SEMA6D: variants seen among roughly 807,000 people sequenced by gnomAD.
SEMA6D encodes the protein semaphorin-6D.
Under a neutral mutation model 106.6 loss-of-function variants are expected in SEMA6D, and 35 were observed. That is an observed-to-expected ratio of 0.33 (90% CI 0.25 to 0.44). The LOEUF (loss-of-function observed/expected upper bound fraction) is 0.44. Ranked by LOEUF, SEMA6D falls within the 20% of genes least tolerant of loss-of-function variation. The pLI is 1.00. For missense variants in SEMA6D, 1,185 were observed against 1,345.9 expected (o/e 0.88, Z 1.87); for synonymous variants, 499 against 487.7 (o/e 1.02, Z -0.31).
chr15:47,261,277 A>G (rs1362376366), intron 1 of SEMA6D, among the ~76,000 whole-genome samples: 1 of 152,092 alleles, frequency 6.6e-6, no homozygotes, highest in East Asian at 1.9e-4. Flanking sequence ...TTTGCTCTCT[A>G]TTGTATTGGT....
intron 1 of SEMA6D, among the ~76,000 whole-genome samples, chr15:47,758,632 G>A (rs920081271): frequency 5.3e-5 from 8 of 152,098 alleles, no homozygotes; most frequent in Admixed American, 1.3e-4. Context: ...GTATTGATAT[G>A]TAATAAACTG....
chr15:47,424,173 T>G, intron 2 of SEMA6D, among the ~76,000 whole-genome samples: 1 of 152,066 alleles, frequency 6.6e-6, no homozygotes, highest in East Asian at 1.9e-4. Context: ...GTAGCTATGC[T>G]AACTAGGAAA....
intron 1 of SEMA6D, among the ~76,000 whole-genome samples, chr15:47,293,418 G>T (rs1367311865): frequency 6.6e-6 from 1 of 152,184 alleles, no homozygotes; most frequent in Non-Finnish European, 1.5e-5. Context: ...CATTTTTGGT[G>T]AGATTAGCCT....
At chr15:47,573,277 CA>C (rs935054911) in intron 3 of SEMA6D, among the ~76,000 whole-genome samples, 6 of 151,744 alleles carry the variant, frequency 4.0e-5, no homozygotes, top group African/African-American at 1.5e-4. Context: ...TTGTTTTAAA[CA>C]ACTCACAAAG....
intron 1 of SEMA6D, among the ~76,000 whole-genome samples, chr15:47,365,628 A>C (rs914704721): frequency 1.3e-5 from 2 of 152,096 alleles, no homozygotes; most frequent in Admixed American, 6.6e-5. Context: ...TGAGAGGCCG[A>C]GGTGGGTGGA....
intron 2 of SEMA6D, among the ~76,000 whole-genome samples, chr15:47,415,152 G>T (rs1255779279): frequency 6.6e-6 from 1 of 152,108 alleles, no homozygotes; most frequent in Non-Finnish European, 1.5e-5. Context: ...TTTTTACATT[G>T]AATGAAGGCT....
intron 1 of SEMA6D, among the ~76,000 whole-genome samples, chr15:47,381,066 C>A (rs895155205): frequency 6.6e-6 from 1 of 152,248 alleles, no homozygotes; most frequent in Admixed American, 6.5e-5. Context: ...GTGAATTAAG[C>A]CAGGCTGAAG....
chr15:47,455,599 G>T (rs994645723), intron 2 of SEMA6D, among the ~76,000 whole-genome samples: 1 of 151,830 alleles, frequency 6.6e-6, no homozygotes, highest in African/African-American at 2.4e-5. Flanking sequence ...ATTTAAATAC[G>T]CATCCTAAGC....
At chr15:47,552,368 G>A (rs2045722761) in intron 3 of SEMA6D, among the ~76,000 whole-genome samples, 2 of 151,840 alleles carry the variant, frequency 1.3e-5, no homozygotes, top group South Asian at 2.1e-4. Flanking sequence ...GGTAGTAGGT[G>A]ATATATTTCC....
intron 3 of SEMA6D, among the ~76,000 whole-genome samples, chr15:47,532,706 G>T (rs1273729542): frequency 6.6e-6 from 1 of 152,158 alleles, no homozygotes; most frequent in Non-Finnish European, 1.5e-5. Flanking sequence ...GGCTGGTAAA[G>T]ATCCTGTGGA....
At chr15:47,541,419 A>T (rs896759949) in intron 3 of SEMA6D, among the ~76,000 whole-genome samples, 12 of 152,220 alleles carry the variant, frequency 7.9e-5, no homozygotes, top group Non-Finnish European at 1.3e-4. Flanking sequence ...GCCCAGAATC[A>T]TCCAGATTCT....
chr15:47,317,720 A>G (rs1189182407), intron 1 of SEMA6D, among the ~76,000 whole-genome samples: 3 of 152,178 alleles, frequency 2.0e-5, no homozygotes, highest in Admixed American at 6.5e-5. Context: ...GAAGTCAGAT[A>G]TGATTCTTAT....
intron 2 of SEMA6D, among the ~76,000 whole-genome samples, chr15:47,423,538 A>G (rs2041236341): frequency 6.6e-6 from 1 of 152,140 alleles, no homozygotes; most frequent in African/African-American, 2.4e-5. Context: ...TCAAAGAAAC[A>G]TAGACTACAA....
At chr15:47,626,063 A>T (rs147275987) in intron 4 of SEMA6D, among the ~76,000 whole-genome samples, 1 of 152,310 alleles carries the variant, frequency 6.6e-6, no homozygotes, top group Admixed American at 6.5e-5. Context: ...CTTTTAAAAT[A>T]TATAACTTGT....
intron 2 of SEMA6D, among the ~76,000 whole-genome samples, chr15:47,452,763 GATCTTT>G (rs1567089869): frequency 1.3e-5 from 2 of 151,818 alleles, no homozygotes; most frequent in African/African-American, 4.8e-5. Context: ...ACATTTTGGA[GATCTTT>G]ACTTTGTTTC....
At chr15:47,209,914 T>G (rs1895364954) in intron 1 of SEMA6D, among the ~76,000 whole-genome samples, 1 of 152,232 alleles carries the variant, frequency 6.6e-6, no homozygotes, top group Admixed American at 6.5e-5. Flanking sequence ...TAAAGTGGAA[T>G]GACCAGCAGT....
At chr15:47,641,585 A>G (rs2077490061) in intron 4 of SEMA6D, among the ~76,000 whole-genome samples, 1 of 152,178 alleles carries the variant, frequency 6.6e-6, no homozygotes, top group Non-Finnish European at 1.5e-5. Context: ...GTTTGGGGAA[A>G]TGTGGCTCCT....
chr15:47,635,693 T>A (rs543616806), intron 4 of SEMA6D, among the ~76,000 whole-genome samples: 7 of 152,214 alleles, frequency 4.6e-5, no homozygotes, highest in Non-Finnish European at 8.8e-5. Flanking sequence ...ATAGAATTGT[T>A]GAACACACAG....
intron 1 of SEMA6D, among the ~76,000 whole-genome samples, chr15:47,327,183 T>A (rs1399128638): frequency 6.6e-6 from 1 of 152,194 alleles, no homozygotes; most frequent in East Asian, 1.9e-4. Context: ...TTGGTTTAAG[T>A]TATTTAGCCT....
Sources: gnomAD v4.1 joint callset for allele counts (sites outside exome capture counted in the v4.1 genomes callset) on GRCh38, gnomAD v4.1.1 for gene constraint, MANE v1.5 for transcripts, NCBI Gene and HGNC (gene_info 2026-07-23, HGNC 2026-07-21) for gene names.